The following CSMD1 variants were observed in gnomAD, a reference collection of about 807,000 sequenced individuals.
CSMD1 encodes CUB and sushi domain-containing protein 1.
CSMD1 carries 213 observed loss-of-function variants against 417.5 expected under a neutral mutation model. That is an observed-to-expected ratio of 0.51 (90% CI 0.46 to 0.57). The LOEUF is 0.57. Ranked by LOEUF, CSMD1 falls within the 20% of genes least tolerant of loss-of-function variation. The pLI, the probability that CSMD1 is intolerant of heterozygous loss-of-function variation, is 0.00. For missense variants in CSMD1, 6,923 were observed against 4,529.7 expected, an observed-to-expected ratio of 1.53 and a Z score of -15.17; for synonymous variants, 2,862 against 1,736.8, an observed-to-expected ratio of 1.65 and a Z score of -16.11.
chr8:3,845,361 C>T (rs766383946), intron 5 of CSMD1, among the ~76,000 whole-genome samples: 4 of 152,168 alleles, frequency 2.6e-5, no homozygotes, highest in Non-Finnish European at 4.4e-5. Flanking sequence ...CTGGACCACA[C>T]ACCTGTACTG....
At chr8:3,407,144 T>G (rs12677178) in intron 14 of CSMD1, among the ~76,000 whole-genome samples, 8 of 149,160 alleles carry the variant, frequency 5.4e-5, no homozygotes, top group African/African-American at 2.0e-4. Context: ...AATGCATGCA[T>G]GCATGGATGG....
intron 3 of CSMD1, among the ~76,000 whole-genome samples, chr8:4,344,112 C>G (rs1353858314): frequency 2.0e-5 from 3 of 152,058 alleles, no homozygotes; most frequent in Non-Finnish European, 4.4e-5. Flanking sequence ...GAGTAAAAGG[C>G]CTATTCAAAA....
intron 4 of CSMD1, among the ~76,000 whole-genome samples, chr8:4,022,508 G>A (rs928390976): frequency 2.6e-5 from 4 of 152,166 alleles, no homozygotes; most frequent in African/African-American, 9.7e-5. Flanking sequence ...GCAACATTTG[G>A]TAGAAAGCAT....
intron 3 of CSMD1, among the ~76,000 whole-genome samples, chr8:4,179,450 C>T (rs200209477): frequency 1.7e-3 from 256 of 151,840 alleles, no homozygotes; most frequent in East Asian, 8.7e-3. Flanking sequence ...AAGACTTAAA[C>T]GTTAGACCTA....
intron 1 of CSMD1, among the ~76,000 whole-genome samples, chr8:4,949,745 T>G (rs1808611513): frequency 6.6e-6 from 1 of 152,226 alleles, no homozygotes; most frequent in South Asian, 2.1e-4. Flanking sequence ...GTATTAATTT[T>G]ATCTTTTCAA....
At chr8:3,755,606 G>T (rs1003102411) in intron 5 of CSMD1, among the ~76,000 whole-genome samples, 1 of 152,100 alleles carries the variant, frequency 6.6e-6, no homozygotes, top group African/African-American at 2.4e-5. Context: ...TACGAAATGG[G>T]TCACCTGTGT....
intron 21 of CSMD1, among the ~76,000 whole-genome samples, chr8:3,357,073 G>A (rs1808845114): frequency 6.6e-6 from 1 of 152,138 alleles, no homozygotes; most frequent in Non-Finnish European, 1.5e-5. Context: ...GGAGGAGCCT[G>A]AACTGAGAGC....
At chr8:3,379,581 T>C (rs970425161) in intron 18 of CSMD1, among the ~76,000 whole-genome samples, 5 of 152,260 alleles carry the variant, frequency 3.3e-5, no homozygotes, top group South Asian at 2.1e-4. Context: ...CAGAGGTCTC[T>C]GAAATAACAC....
intron 2 of CSMD1, among the ~76,000 whole-genome samples, chr8:4,582,829 G>A (rs946258789): frequency 6.6e-6 from 1 of 152,338 alleles, no homozygotes. Context: ...GGTGTGGAGG[G>A]AGAGGCGCGA....
chr8:3,077,921 G>C (rs183309500), intron 49 of CSMD1, among the ~76,000 whole-genome samples: 8 of 152,336 alleles, frequency 5.3e-5, no homozygotes, highest in Admixed American at 5.2e-4. Context: ...CATTTTCAAA[G>C]TTCCTCCTGC....
intron 2 of CSMD1, among the ~76,000 whole-genome samples, chr8:4,453,820 T>TTC (rs1799302381): frequency 4.2e-5 from 5 of 118,316 alleles, no homozygotes; most frequent in Non-Finnish European, 6.8e-5. Flanking sequence ...GTTTCTTTTT[T>TTC]TTTTTTTTTT....
chr8:3,437,019 A>G (rs1423931438), intron 12 of CSMD1, among the ~76,000 whole-genome samples: 2 of 152,212 alleles, frequency 1.3e-5, no homozygotes, highest in East Asian at 3.8e-4. Context: ...AACCTGGCTT[A>G]TTGCTCATTT....
chr8:4,901,677 C>A (rs1182403243), intron 1 of CSMD1, among the ~76,000 whole-genome samples: 1 of 152,092 alleles, frequency 6.6e-6, no homozygotes, highest in Non-Finnish European at 1.5e-5. Context: ...TTTAAAAAAT[C>A]CAACTGGCAG....
chr8:4,948,122 C>G (rs1808490116), intron 1 of CSMD1, among the ~76,000 whole-genome samples: 1 of 151,952 alleles, frequency 6.6e-6, no homozygotes, highest in Non-Finnish European at 1.5e-5. Context: ...ATGGTCGTAT[C>G]AATTTATACT....
At chr8:3,027,107 TA>T (rs1208522731) in intron 51 of CSMD1, among the ~76,000 whole-genome samples, 1 of 152,166 alleles carries the variant, frequency 6.6e-6, no homozygotes, top group Non-Finnish European at 1.5e-5. Context: ...TAGTACAATT[TA>T]AAAAATTTTT....
At chr8:3,778,598 C>G (rs1563071100) in intron 5 of CSMD1, among the ~76,000 whole-genome samples, 1 of 152,152 alleles carries the variant, frequency 6.6e-6, no homozygotes, top group African/African-American at 2.4e-5. Flanking sequence ...AGCATCAGTG[C>G]CCTCTCCTGT....
At chr8:3,285,381 G>A (rs1012750463) in intron 25 of CSMD1, among the ~76,000 whole-genome samples, 1 of 141,552 alleles carries the variant, frequency 7.1e-6, no homozygotes, top group African/African-American at 2.6e-5. Flanking sequence ...CCCTATTTTT[G>A]TCAGAACTTT....
intron 2 of CSMD1, among the ~76,000 whole-genome samples, chr8:4,465,267 G>A (rs1191766411): frequency 6.6e-6 from 1 of 152,034 alleles, no homozygotes; most frequent in Admixed American, 6.6e-5. Context: ...TTTTTTTCCA[G>A]TGCCTGTGAC....
intron 11 of CSMD1, among the ~76,000 whole-genome samples, chr8:3,477,585 T>G (rs1179750973): frequency 6.6e-6 from 1 of 152,172 alleles, no homozygotes; most frequent in Non-Finnish European, 1.5e-5. Flanking sequence ...AAAATACCAG[T>G]AATGAGTTTC....
Sources: gnomAD v4.1 joint callset for allele counts (sites outside exome capture counted in the v4.1 genomes callset) on GRCh38, gnomAD v4.1.1 for gene constraint, MANE v1.5 for transcripts, NCBI Gene and HGNC (gene_info 2026-07-23, HGNC 2026-07-21) for gene names.